The following SYNE1 variants were observed in gnomAD, a reference collection of about 807,000 sequenced individuals.
The protein encoded by SYNE1 is nesprin-1.
Under a neutral mutation model 1,111.0 loss-of-function variants are expected in SYNE1, and 616 were observed. The observed-to-expected ratio is 0.55, with a 90% CI of 0.52 to 0.59. The LOEUF (loss-of-function observed/expected upper bound fraction) is 0.59. SYNE1 is among the 20% of genes least tolerant of loss of function. The pLI is 0.00. For synonymous variants in SYNE1, 3,855 were observed against 3,825.8 expected (o/e 1.01, Z -0.28); for missense variants, 10,006 against 10,417.0 (o/e 0.96, Z 1.72).
chr6:152,437,264 A>G (rs184641850), intron 32 of SYNE1, among the ~76,000 whole-genome samples: 2 of 152,372 alleles, frequency 1.3e-5, no homozygotes, highest in Non-Finnish European at 2.9e-5. Flanking sequence ...ATACACATGT[A>G]TCACATGATG....
At chr6:152,482,266 G>T (rs1429369936) in intron 14 of SYNE1, among the ~76,000 whole-genome samples, 3 of 152,150 alleles carry the variant, frequency 2.0e-5, no homozygotes, top group Non-Finnish European at 4.4e-5. Flanking sequence ...AATAAAATCT[G>T]TTGTAAATTT....
At position 152,369,517 on chromosome 6, in the gene SYNE1, C is replaced by T. The variant is rs146769373; in HGVS notation, c.9605G>A (p.Arg3202His). 108 of 1,614,116 alleles carry T rather than the reference C, an allele frequency of 6.7e-5. No homozygotes were observed. The African/African-American group carries it at 1.1e-3, about 16-fold the overall frequency. The change falls in exon 60 of 146, where the codon CGC becomes CAC. Residue 3202 changes from arginine (R) to histidine (H), a missense_variant. By Grantham distance (29) the Arg-to-His change is conservative. Transcript: ENST00000367255. ...TEKMVHESSN[R>H]LYDLPAKRRE... Reference sequence around the variant, plus strand: ...CCTCTTTGCTGGCAGATCATAGAGGCGATTGCTGCTTTCATGGACCATCTT... The same window carrying T: ...CCTCTTTGCTGGCAGATCATAGAGGTGATTGCTGCTTTCATGGACCATCTT...
At chr6:152,631,515 G>A (rs1219583276) in intron 2 of SYNE1, among the ~76,000 whole-genome samples, 1 of 152,108 alleles carries the variant, frequency 6.6e-6, no homozygotes, top group African/African-American at 2.4e-5. Context: ...AGGTATGATT[G>A]GGATTATTCT....
intron 44 of SYNE1, 86 bp from the exon 45 acceptor site, chr6:152,407,282 C>A: frequency 7.5e-7 from 1 of 1,324,704 alleles, no homozygotes; most frequent in Non-Finnish European, 1.1e-6. Context: ...CTTCTTTTAT[C>A]AGAAAAGTAT....
In SYNE1 at chr6:152,381,159, G is replaced by T; in HGVS notation, c.8856C>A (p.Ala2952=). The T allele has an allele frequency of 2.5e-6, 4 of 1,614,166 alleles. No individual in the cohort carries two copies. The South Asian group carries it at 4.4e-5, about 18-fold the overall frequency. ...GGCCTGAGAATTCCTGCTCCGAAAG[G>T]GCCATCTGGCTGACCAGGTTCTCCA... The part of the protein sequence containing the change: ...SCLENLVSQM[A]LSEQEFSGQV... The change falls in exon 56 of 146, where the codon GCC becomes GCA. Residue 2952 remains alanine (A), a synonymous_variant. Coordinates refer to ENST00000367255, the MANE Select transcript of SYNE1 (RefSeq NM_182961.4).
chr6:152,136,365 C>T (rs1045299514), intron 141 of SYNE1, among the ~76,000 whole-genome samples: 4 of 152,126 alleles, frequency 2.6e-5, no homozygotes, highest in Non-Finnish European at 2.9e-5. Flanking sequence ...AGGAGCGTTG[C>T]GACGGAGATA....
chr6:152,566,166 T>C (rs998545193), intron 3 of SYNE1, among the ~76,000 whole-genome samples: 3 of 151,998 alleles, frequency 2.0e-5, no homozygotes, highest in Non-Finnish European at 2.9e-5. Context: ...ACCCCTCCAG[T>C]GTTGAACCTG....
intron 127 of SYNE1, among the ~76,000 whole-genome samples, chr6:152,191,328 A>G (rs2072289934): frequency 6.8e-6 from 1 of 146,884 alleles, no homozygotes; most frequent in Non-Finnish European, 1.5e-5. Context: ...CTCCTCCTCT[A>G]TTTTTCAGAA....
intron 137 of SYNE1, 177 bp downstream of exon 137, chr6:152,147,868 G>A (rs1327178765): frequency 2.3e-5 from 15 of 641,144 alleles, no homozygotes; most frequent in Middle Eastern, 4.1e-4. Flanking sequence ...ATAAATCAAC[G>A]GCCACACCAA....
At chr6:152,171,649 G>C (rs2065237099) in intron 130 of SYNE1, among the ~76,000 whole-genome samples, 1 of 152,150 alleles carries the variant, frequency 6.6e-6, no homozygotes, top group East Asian at 1.9e-4. Flanking sequence ...CAGGAAGAGA[G>C]AATAGAAAGG....
intron 109 of SYNE1, 40 bp downstream of exon 109, chr6:152,236,777 G>A: frequency 1.2e-6 from 2 of 1,612,632 alleles, no homozygotes; most frequent in Non-Finnish European, 1.7e-6. Context: ...AAAACTATTG[G>A]TAAGTTTCTA....
intron 3 of SYNE1, among the ~76,000 whole-genome samples, chr6:152,562,282 C>T (rs986964320): frequency 1.3e-5 from 2 of 151,950 alleles, no homozygotes; most frequent in African/African-American, 4.8e-5. Context: ...TACGAATGGC[C>T]AATTACAAGA....
rs553969991 is a variant in SYNE1, at chr6:152,145,583, C to T, written c.24977-1818G>A. The T allele has an allele frequency of 3.9e-4, 621 of 1,601,194 alleles. 10 individuals carry two copies. The South Asian group carries it at 6.3e-3, about 16-fold the overall frequency. ...GCAAAAAAAGCACAGTCTAAGTTGACAGCTAAGTTCTGGAAACCCTGAATC... is the reference window on the plus strand; with the variant it reads ...GCAAAAAAAGCACAGTCTAAGTTGATAGCTAAGTTCTGGAAACCCTGAATC... On this transcript the variant is annotated intron_variant, in intron 137 of 145. Transcript: ENST00000367255.
chr6:152,506,705 C>T (rs1169502427), intron 8 of SYNE1, among the ~76,000 whole-genome samples: 1 of 151,842 alleles, frequency 6.6e-6, no homozygotes, highest in Admixed American at 6.6e-5. Flanking sequence ...CAATACCTGG[C>T]TAATTTTTGT....
intron 91 of SYNE1, among the ~76,000 whole-genome samples, chr6:152,304,185 C>T (rs1379740312): frequency 3.9e-5 from 6 of 152,066 alleles, no homozygotes; most frequent in East Asian, 1.9e-4. Flanking sequence ...GTGGCTAGCA[C>T]GTGGGTACTC....
At chr6:152,524,114 C>T (rs2099152851) in intron 5 of SYNE1, among the ~76,000 whole-genome samples, 1 of 152,104 alleles carries the variant, frequency 6.6e-6, no homozygotes, top group South Asian at 2.1e-4. Flanking sequence ...AGTGAGCATC[C>T]TTGTCTTGTT....
Position 152,187,038 on chromosome 6 carries a change from A to G in SYNE1, c.23301+2214T>C, listed in dbSNP as rs568820161. On this transcript the variant is annotated intron_variant, in intron 128 of 145. Coordinates refer to ENST00000367255, the MANE Select transcript of SYNE1 (RefSeq NM_182961.4). The stretch of plus-strand genomic sequence containing the variant: ...CAGAAATGAATCAAGTGTTGTGATT[A>G]GCATTACTACCCTCTATGCGTAAAT... 2.4e-4 allele frequency among the ~76,000 whole-genome samples: 36 copies of G among 152,358 alleles called. 1 individual carries two copies. In the South Asian group the frequency reaches 6.6e-3, roughly 28 times the overall value.
chr6:152,397,500 G>A (rs1189407998), intron 49 of SYNE1, among the ~76,000 whole-genome samples: 1 of 152,154 alleles, frequency 6.6e-6, no homozygotes, highest in Admixed American at 6.5e-5. Context: ...TATGTCACCT[G>A]TTACTCAGGC....
At position 152,230,688 on chromosome 6, in the gene SYNE1, T is replaced by G; in HGVS notation, c.21054A>C (p.Glu7018Asp). 1 of 1,614,018 alleles carries G rather than the reference T, an allele frequency of 6.2e-7. No individual in the cohort carries two copies. Among genetic ancestry groups the G allele is most frequent in the East Asian group, 2.2e-5 (1 of 44,854 alleles). Residue 7018 changes from glutamate (E) to aspartate (D), a missense_variant, in exon 115 of 146, where the codon GAA becomes GAC. Glu to Asp is a conservative substitution (Grantham distance 45). Coordinates refer to ENST00000367255, the MANE Select transcript of SYNE1 (RefSeq NM_182961.4). ...ATTCTGACCAAGATTCCAATAAGCC[T>G]TCCAACAGCTGGATCTGAACAAACA... ...GLVTEKIQLL[E>D]GLLESWSEYE... is the part of the protein sequence containing the mutation.
Sources: gnomAD v4.1 joint callset for allele counts (sites outside exome capture counted in the v4.1 genomes callset) on GRCh38, gnomAD v4.1.1 for gene constraint, MANE v1.5 for transcripts, NCBI Gene and HGNC (gene_info 2026-07-23, HGNC 2026-07-21) for gene names.